SIM2: variants seen among roughly 807,000 people sequenced by gnomAD.
SIM2 encodes single-minded homolog 2.
Under a neutral mutation model 64.8 loss-of-function variants are expected in SIM2, and 28 were observed. The ratio of observed to expected loss-of-function variants is 0.43; its 90% CI spans 0.32 to 0.59. The LOEUF (loss-of-function observed/expected upper bound fraction) is 0.59, where lower values mean the gene tolerates loss of function less well. Ranked by LOEUF, SIM2 falls within the 20% of genes least tolerant of loss-of-function variation. SIM2 has a pLI of 0.07. For synonymous variants in SIM2, 408 were observed against 391.1 expected (o/e 1.04, Z -0.51); for missense variants, 847 against 871.4 (o/e 0.97, Z 0.35).
At chr21:36,737,984 C>CAAAAAAAAAA (rs71326699) in intron 7 of SIM2, among the ~76,000 whole-genome samples, 12 of 90,238 alleles carry the variant, frequency 1.3e-4, no homozygotes, top group Non-Finnish European at 2.3e-4. Context: ...AAAAAAAAAG[C>CAAAAAAAAAA]AAAAAAAAAG....
chr21:36,728,094 C>A (rs2088916403), intron 6 of SIM2, among the ~76,000 whole-genome samples: 1 of 152,220 alleles, frequency 6.6e-6, no homozygotes. Context: ...GGAGGCGCTG[C>A]AGGGAGAGAA....
chr21:36,740,933 A>G (rs1465551400), intron 7 of SIM2, among the ~76,000 whole-genome samples: 1 of 152,168 alleles, frequency 6.6e-6, no homozygotes, highest in African/African-American at 2.4e-5. Flanking sequence ...TCCCTGGAGA[A>G]GCTTCACCTC....
Position 36,748,259 on chromosome 21 carries a change from T to TGCCGAGG in SIM2, c.*175_*181dup, listed in dbSNP as rs1037583490. 1.9e-5 allele frequency: 6 copies of TGCCGAGG among 313,944 alleles called. No individual in the cohort carries two copies. Among genetic ancestry groups the TGCCGAGG allele is most frequent in the African/African-American group, 1.1e-4 (5 of 44,680 alleles). The allele number at this position is 313,944 out of a possible 1,614,324, so 19.4% of individuals were successfully genotyped here. ...CCACCGCGGAGGCCCCGCGCGCCGG[T>TGCCGAGG]GCCGAGGGCCGAGGAGCGCCCGGGT... On this transcript the variant is annotated 3_prime_UTR_variant, in exon 11 of 11. Coordinates refer to ENST00000290399, the MANE Select transcript of SIM2 (RefSeq NM_005069.6).
At position 36,726,646 on chromosome 21, in the gene SIM2, G is replaced by T. The variant is rs1325685016; in HGVS notation, c.743+328G>T. 6.6e-6 allele frequency among the ~76,000 whole-genome samples: 1 copy of T among 152,178 alleles called. No individual in the cohort carries two copies. Among genetic ancestry groups the T allele is most frequent in the Admixed American group, 6.5e-5 (1 of 15,282 alleles). Reference sequence around the variant, plus strand: ...ATGAAAACATGGGCTGTGAGCACAGGTTGGGCTTTTTTGAAGGCCATGATG... The same window carrying T: ...ATGAAAACATGGGCTGTGAGCACAGTTTGGGCTTTTTTGAAGGCCATGATG... On this transcript the variant is annotated intron_variant, in intron 6 of 10. Transcript: ENST00000290399. The surrounding 1 kb of genome is among the most constrained non-coding windows in gnomAD (Gnocchi z 4.5).
intron 5 of SIM2, among the ~76,000 whole-genome samples, chr21:36,724,360 C>A (rs189006567): frequency 1.8e-3 from 267 of 152,328 alleles, no homozygotes; most frequent in African/African-American, 6.1e-3. Flanking sequence ...CTCACTGGAG[C>A]CTCAAACTCC....
At position 36,743,421 on chromosome 21, in the gene SIM2, G is replaced by C; in HGVS notation, c.1033G>C (p.Glu345Gln). ...IEYKELQLSL[E>Q]QVSTAKSQDS... ...ATACAAGGAACTTCAGCTGTCCCTGGAGCAGGTGTCCACTGCCAAGTCCCA... is the reference window on the plus strand; with the variant it reads ...ATACAAGGAACTTCAGCTGTCCCTGCAGCAGGTGTCCACTGCCAAGTCCCA... Residue 345 changes from glutamate (E) to glutamine (Q), a missense_variant, in exon 9 of 11, where the codon GAG becomes CAG. By Grantham distance (29) the Glu-to-Gln change is conservative. Around this residue, in one of 3 missense-constraint regions of SIM2, gnomAD observed 447 missense variants for 414.6 expected, o/e 1.08. Coordinates refer to ENST00000290399, the MANE Select transcript of SIM2 (RefSeq NM_005069.6). 1 of 1,614,042 alleles carries C rather than the reference G, an allele frequency of 6.2e-7. No individual in the cohort carries two copies. The highest frequency in any genetic ancestry group is 1.1e-5 in the South Asian group (1 of 91,064).
intron 3 of SIM2, among the ~76,000 whole-genome samples, chr21:36,716,279 T>A (rs1034860670): frequency 1.3e-5 from 2 of 152,262 alleles, no homozygotes; most frequent in African/African-American, 4.8e-5. Context: ...TATACATTTT[T>A]AAGTATCCTT....
chr21:36,709,811 T>C, intron 2 of SIM2: 1 of 228,816 alleles, frequency 4.4e-6, no homozygotes, highest in Non-Finnish European at 8.6e-6. Context: ...TTTTTCAATT[T>C]GTTTTGTTTT....
At chr21:36,721,820 C>T (rs965958733) in intron 4 of SIM2, among the ~76,000 whole-genome samples, 7 of 152,244 alleles carry the variant, frequency 4.6e-5, no homozygotes, top group African/African-American at 7.2e-5. Flanking sequence ...TGGGTCATAA[C>T]CTCCCAAAGA....
At chr21:36,736,741 C>CCTTT (rs2089054920) in intron 7 of SIM2, among the ~76,000 whole-genome samples, 1 of 145,176 alleles carries the variant, frequency 6.9e-6, no homozygotes, top group Non-Finnish European at 1.5e-5. Context: ...TCCTTCCCTT[C>CCTTT]CCTTTCCTTT....
At chr21:36,700,812 A>C (rs2123401084) in intron 1 of SIM2, among the ~76,000 whole-genome samples, 1 of 152,368 alleles carries the variant, frequency 6.6e-6, no homozygotes, top group Non-Finnish European at 1.5e-5. Flanking sequence ...CGAAAATGGC[A>C]GACAGAGCTG....
At chr21:36,742,400 C>CTT (rs778507395) in intron 8 of SIM2, among the ~76,000 whole-genome samples, 19 of 144,848 alleles carry the variant, frequency 1.3e-4, no homozygotes, top group African/African-American at 4.3e-4. Context: ...TCGCAAATGC[C>CTT]TTTTTTTTTT....
chr21:36,707,594 T>A (rs2088603193), intron 1 of SIM2, among the ~76,000 whole-genome samples: 1 of 152,134 alleles, frequency 6.6e-6, no homozygotes, highest in East Asian at 1.9e-4. Context: ...TGGTTTTTTT[T>A]AACTTTTTTT....
intron 5 of SIM2, among the ~76,000 whole-genome samples, chr21:36,725,393 C>T (rs922122868): frequency 2.6e-5 from 4 of 152,106 alleles, no homozygotes; most frequent in Admixed American, 6.6e-5. Context: ...TACAGCGTGT[C>T]GAGTGATACA....
chr21:36,720,104 C>A, intron 4 of SIM2, 175 bp downstream of exon 4: 1 of 592,742 alleles, frequency 1.7e-6, no homozygotes, highest in Admixed American at 2.9e-5. Flanking sequence ...TGCATTGATA[C>A]CTGTGTCTTT....
intron 9 of SIM2, 25 bp from the exon 10 acceptor site, chr21:36,744,703 T>G: frequency 1.3e-6 from 2 of 1,556,790 alleles, no homozygotes; most frequent in East Asian, 2.4e-5. Context: ...TCGCTGGCCC[T>G]TCATCCATCT....
intron 1 of SIM2, among the ~76,000 whole-genome samples, chr21:36,705,782 CT>C: frequency 6.6e-6 from 1 of 152,318 alleles, no homozygotes. Context: ...CTGGCACCTT[CT>C]TGTTGTTAAC....
At chr21:36,707,973 G>GTTCCTGCGGTGGGGAGCGGGCAT (rs780782783) in intron 1 of SIM2, among the ~76,000 whole-genome samples, 1 of 150,992 alleles carries the variant, frequency 6.6e-6, no homozygotes, top group Non-Finnish European at 1.5e-5. Context: ...GCCTGGCCCA[G>GTTCCTGCGGTGGGGAGCGGGCAT]CGTGGGTTGG....
rs371287768 is a variant in SIM2, at chr21:36,700,465, A to C, written c.175+544A>C. Among the ~76,000 whole-genome samples the C allele has an allele frequency of 1.5e-3, 229 of 147,844 alleles. 1 individual carries two copies. Among genetic ancestry groups the C allele is most frequent in the African/African-American group, 5.3e-3 (211 of 39,932 alleles). On this transcript the variant is annotated intron_variant, in intron 1 of 10. Coordinates refer to ENST00000290399, the MANE Select transcript of SIM2 (RefSeq NM_005069.6). ...TTCTGCTTTCCTTCCTTTCTTTGGA[A>C]GTTCACTCTGGTTTTGCTTTCTTTC...
Sources: allele counts gnomAD v4.1 joint callset (sites outside exome capture counted in the v4.1 genomes callset), GRCh38; gene constraint gnomAD v4.1.1; regional missense constraint gnomAD v4.1.1; non-coding constraint Gnocchi (gnomAD v3.1); transcripts MANE v1.5; gene names NCBI Gene and HGNC (gene_info 2026-07-23, HGNC 2026-07-21).